KY: variants seen among roughly 807,000 people sequenced by gnomAD.
KY encodes the protein kyphoscoliosis peptidase.
Under a neutral mutation model 76.1 loss-of-function variants are expected in KY, and 43 were observed. The observed-to-expected ratio is 0.57, with a 90% CI of 0.44 to 0.73. The LOEUF is 0.73. Ranked by LOEUF, KY falls within the 30% of genes least tolerant of loss-of-function variation. The pLI is 0.00. For synonymous variants in KY, 277 were observed against 326.2 expected (o/e 0.85, Z 1.63); for missense variants, 722 against 828.9 (o/e 0.87, Z 1.58).
At chr3:134,627,500 A>G (rs1175835808) in intron 5 of KY, among the ~76,000 whole-genome samples, 1 of 152,246 alleles carries the variant, frequency 6.6e-6, no homozygotes, top group Non-Finnish European at 1.5e-5. Flanking sequence ...TGTTTCCTAT[A>G]ATGGTCTGCC....
chr3:134,608,952 C>A (rs1249686512), intron 9 of KY, 113 bp from the exon 10 acceptor site: 2 of 1,247,650 alleles, frequency 1.6e-6, no homozygotes, highest in African/African-American at 3.0e-5. Flanking sequence ...GCACCATCTC[C>A]GACCCTAACA....
intron 5 of KY, among the ~76,000 whole-genome samples, chr3:134,625,373 G>A (rs1577696863): frequency 1.3e-5 from 2 of 152,348 alleles, no homozygotes; most frequent in African/African-American, 4.8e-5. Flanking sequence ...GGGAACATAC[G>A]CCTATTGTAG....
At chr3:134,612,773 G>GTGTGTGTGTT (rs1553807355) in intron 8 of KY, among the ~76,000 whole-genome samples, 1 of 151,058 alleles carries the variant, frequency 6.6e-6, no homozygotes, top group South Asian at 2.1e-4. Context: ...GTGTGTGTGT[G>GTGTGTGTGTT]TGTGTGTGTG....
At chr3:134,649,507 A>T (rs1966830614) in intron 1 of KY, among the ~76,000 whole-genome samples, 1 of 152,176 alleles carries the variant, frequency 6.6e-6, no homozygotes, top group African/African-American at 2.4e-5. Context: ...TCTCATTTCT[A>T]TCAAGAAGTT....
At chr3:134,620,435 C>T (rs564121806) in intron 7 of KY, among the ~76,000 whole-genome samples, 1 of 152,336 alleles carries the variant, frequency 6.6e-6, no homozygotes, top group East Asian at 1.9e-4. Flanking sequence ...GGGCTCTCAT[C>T]TCTGTGGAGA....
intron 7 of KY, 110 bp downstream of exon 7, chr3:134,620,639 C>T: frequency 1.3e-6 from 1 of 746,430 alleles, no homozygotes; most frequent in Non-Finnish European, 2.3e-6. Flanking sequence ...GGGTCCCTGT[C>T]CCCCACCTTT....
chr3:134,611,578 A>G (rs1174311289), intron 8 of KY, among the ~76,000 whole-genome samples: 1 of 152,256 alleles, frequency 6.6e-6, no homozygotes, highest in African/African-American at 2.4e-5. Context: ...AAATTGGTGT[A>G]ATAGATACAC....
At chr3:134,635,577 TA>T (rs1964851262) in intron 3 of KY, among the ~76,000 whole-genome samples, 1 of 147,386 alleles carries the variant, frequency 6.8e-6, no homozygotes, top group Non-Finnish European at 1.5e-5. Flanking sequence ...CCACACAAGA[TA>T]ATTTTAAAGA....
At chr3:134,636,803 A>G (rs1023085652) in intron 3 of KY, among the ~76,000 whole-genome samples, 15 of 152,244 alleles carry the variant, frequency 9.9e-5, no homozygotes, top group Non-Finnish European at 1.5e-4. Flanking sequence ...AATTTTTATC[A>G]GTGAATAATA....
chr3:134,630,972 A>G (rs1447099531), intron 3 of KY, among the ~76,000 whole-genome samples: 1 of 152,236 alleles, frequency 6.6e-6, no homozygotes, highest in Non-Finnish European at 1.5e-5. Context: ...TTCTCTGGAT[A>G]TACTCAATAG....
At chr3:134,618,292 C>T (rs1961939130) in intron 8 of KY, among the ~76,000 whole-genome samples, 1 of 152,150 alleles carries the variant, frequency 6.6e-6, no homozygotes, top group Admixed American at 6.5e-5. Context: ...CAACTGCCTG[C>T]CTGTGGACTA....
At chr3:134,615,190 A>T (rs1961308394) in intron 8 of KY, 1 of 152,440 alleles carries the variant, frequency 6.6e-6, no homozygotes, top group Admixed American at 6.5e-5. Context: ...CCAGGGCCCC[A>T]TGCAGAACCT....
chr3:134,615,871 C>T (rs2078148403), intron 8 of KY, among the ~76,000 whole-genome samples: 2 of 152,226 alleles, frequency 1.3e-5, no homozygotes, highest in South Asian at 2.1e-4. Context: ...TGCACACACT[C>T]CTGCCCCTGC....
rs79480766 is a variant in KY, at chr3:134,650,366, G to T, written c.136+459C>A. 1.3e-3 allele frequency among the ~76,000 whole-genome samples: 200 copies of T among 152,284 alleles called. 1 individual carries two copies. In the South Asian group the frequency reaches 0.015, roughly 11 times the overall value. ...GAAACTGAGGCTGTAAATTGTGCAA[G>T]GCCACACAGGGAGCTCCCCATCTAA... is the stretch of plus-strand genomic sequence containing the variant. On this transcript the variant is annotated intron_variant, in intron 1 of 10. Coordinates refer to ENST00000423778, the MANE Select transcript of KY (RefSeq NM_178554.6).
chr3:134,650,707 G>C, intron 1 of KY, 118 bp downstream of exon 1: 3 of 940,612 alleles, frequency 3.2e-6, no homozygotes, highest in Non-Finnish European at 4.6e-6. Context: ...ATGGGGGAGA[G>C]GGTCGGGTTC....
chr3:134,611,397 G>A (rs1446185081), intron 8 of KY, among the ~76,000 whole-genome samples: 1 of 152,192 alleles, frequency 6.6e-6, no homozygotes, highest in African/African-American at 2.4e-5. Context: ...ATGGCCAGCT[G>A]GTCTTGCTCC....
At position 134,600,980 on chromosome 3, in the gene KY, C is replaced by G. The variant is rs1424503681; in HGVS notation, c.*2599G>C. The G allele has an allele frequency of 1.3e-5, 2 of 152,324 alleles. No individual in the cohort carries two copies. Among genetic ancestry groups the G allele is most frequent in the South Asian group, 4.1e-4 (2 of 4,832 alleles). 9.4% of individuals were successfully genotyped at this position (152,324 alleles called of 1,614,324 possible). ...AAAAAGCCCGGTGATAGATCAGCCT[C>G]GCGGTGTGCAGCGCCGGCAGCTCCG... is the stretch of plus-strand genomic sequence containing the variant. On this transcript the variant is annotated 3_prime_UTR_variant, in exon 11 of 11. Coordinates refer to ENST00000423778, the MANE Select transcript of KY (RefSeq NM_178554.6).
intron 8 of KY, among the ~76,000 whole-genome samples, chr3:134,611,181 T>C (rs988956712): frequency 6.6e-6 from 1 of 152,252 alleles, no homozygotes; most frequent in African/African-American, 2.4e-5. Context: ...CCAGTCAACC[T>C]GAGCTTTGGG....
intron 5 of KY, among the ~76,000 whole-genome samples, chr3:134,625,668 T>C (rs1195508022): frequency 3.9e-5 from 6 of 152,246 alleles, no homozygotes; most frequent in Non-Finnish European, 7.3e-5. Context: ...ATCTGGGTCC[T>C]GCAGGGCGAG....
Sources: allele counts gnomAD v4.1 joint callset (sites outside exome capture counted in the v4.1 genomes callset), GRCh38; gene constraint gnomAD v4.1.1; transcripts MANE v1.5; gene names NCBI Gene and HGNC (gene_info 2026-07-23, HGNC 2026-07-21).